Variants in GHRHR observed in about 807,000 individuals in gnomAD.
GHRHR encodes growth hormone-releasing hormone receptor.
A neutral mutation model predicts 58.3 loss-of-function variants in GHRHR; 40 were observed. The ratio of observed to expected loss-of-function variants is 0.69; its 90% CI spans 0.53 to 0.89. GHRHR has a LOEUF of 0.89. Among genes scored for constraint, GHRHR ranks in the 40% least tolerant of loss-of-function variants. The probability of loss-of-function intolerance (pLI) is 0.00; values close to 1 mark genes in which losing one functional copy is unlikely to be tolerated. For synonymous variants in GHRHR, 249 were observed against 216.6 expected, an observed-to-expected ratio of 1.15 and a Z score of -1.31; for missense variants, 551 against 541.3, an observed-to-expected ratio of 1.02 and a Z score of -0.18.
chr7:30,979,314 A>G lies in GHRHR; in HGVS notation c.*70A>G. The G allele has an allele frequency of 1.3e-6, 2 of 1,510,822 alleles. No homozygotes were observed. The highest frequency in any genetic ancestry group is 2.3e-5 in the East Asian group (1 of 43,500). 93.6% of individuals were successfully genotyped at this position (1,510,822 alleles called of 1,614,324 possible). A position where few individuals can be genotyped will look rare whatever the true frequency, so the allele number is the denominator to read the frequency against. ...CTACCACGGGTCTGCCATGCTCTGG[A>G]GGAGCAAGGGGGCCACATCCCCACC... is the stretch of plus-strand genomic sequence containing the variant. On this transcript the variant is annotated 3_prime_UTR_variant, in exon 13 of 13. Coordinates refer to ENST00000326139, the MANE Select transcript of GHRHR (RefSeq NM_000823.4).
chr7:30,969,889 T>A lies in GHRHR; in HGVS notation c.291T>A (p.Thr97=). The A allele has an allele frequency of 6.2e-7, 1 of 1,611,600 alleles. No homozygotes were observed. Among genetic ancestry groups the A allele is most frequent in the Non-Finnish European group, 8.5e-7 (1 of 1,177,672 alleles). The part of the protein sequence containing the change: ...SESGAVKRDC[T]ITGWSEPFPP... ...CAGGGGCTGTGAAACGGGATTGTACTATCACTGGCTGGTCTGAGCCCTTTC... is the reference window on the plus strand; with the variant it reads ...CAGGGGCTGTGAAACGGGATTGTACAATCACTGGCTGGTCTGAGCCCTTTC... Residue 97 remains threonine (T), a synonymous_variant, in exon 4 of 13, where the codon ACT becomes ACA. Transcript: ENST00000326139.
chr7:30,966,780 T>C (rs563463368), intron 1 of GHRHR, among the ~76,000 whole-genome samples: 1 of 152,136 alleles, frequency 6.6e-6, no homozygotes, highest in South Asian at 2.1e-4. Flanking sequence ...GTAGCTGGGA[T>C]TACAGGAGCG....
chr7:30,971,026 G>T, intron 4 of GHRHR, 93 bp from the exon 5 acceptor site: 1 of 718,132 alleles, frequency 1.4e-6, no homozygotes, highest in South Asian at 1.5e-5. Context: ...TGTTGGGGTG[G>T]AATGGCAAAG....
At position 30,979,464 on chromosome 7, in the gene GHRHR, T is replaced by G; in HGVS notation, c.*220T>G. The G allele has an allele frequency of 5.7e-6, 3 of 524,266 alleles. No individual in the cohort carries two copies. Among genetic ancestry groups the G allele is most frequent in the Non-Finnish European group, 7.1e-6 (2 of 281,656 alleles). The allele number at this position is 524,266 out of a possible 1,614,324, so 32.5% of individuals were successfully genotyped here. Reference sequence around the variant, plus strand: ...GTCCCTCTGTGTCTGCTCTCATCCATTCCTCTTACTGGGGCCTGGGGCTCT... The same window carrying G: ...GTCCCTCTGTGTCTGCTCTCATCCAGTCCTCTTACTGGGGCCTGGGGCTCT... On this transcript the variant is annotated 3_prime_UTR_variant, in exon 13 of 13. Transcript: ENST00000326139.
intron 12 of GHRHR, 77 bp downstream of exon 12, chr7:30,977,399 C>G: frequency 7.8e-7 from 1 of 1,274,986 alleles, no homozygotes; most frequent in East Asian, 2.3e-5. Context: ...CTCTCCCACT[C>G]AGGCCCTGTA....
rs746656617 is a variant in GHRHR at position 30,972,809 on chromosome 7, G to A, written c.597+714G>A. Reference sequence around the variant, plus strand: ...TGCAAGTGTGCTGGAAATGAACAGCGAAATCAGGGAGCAAACTAACACATG... The same window carrying A: ...TGCAAGTGTGCTGGAAATGAACAGCAAAATCAGGGAGCAAACTAACACATG... On this transcript the variant is annotated intron_variant, in intron 6 of 12. Coordinates refer to ENST00000326139, the MANE Select transcript of GHRHR (RefSeq NM_000823.4). 1.6e-4 allele frequency among the ~76,000 whole-genome samples: 24 copies of A among 152,326 alleles called. 1 individual carries two copies. Among genetic ancestry groups the A allele is most frequent in the East Asian group, 3.9e-4 (2 of 5,182 alleles).
chr7:30,978,132 C>T lies in GHRHR; in HGVS notation c.1146+810C>T, dbSNP rs941221903. ...GAGAGTTGGCTGCAGATGCCCTGTC[C>T]CCTTCGCTGTGGAGTTTTGCTCCCA... On this transcript the variant is annotated intron_variant, in intron 12 of 12. Coordinates refer to ENST00000326139, the MANE Select transcript of GHRHR (RefSeq NM_000823.4). Among the ~76,000 whole-genome samples the T allele has an allele frequency of 7.9e-5, 12 of 152,302 alleles. No homozygotes were observed. The Middle Eastern group carries it at 0.01, about 130-fold the overall frequency.
Position 30,979,340 on chromosome 7 carries a change from C to A in GHRHR, c.*96C>A. ...GGAGCAAGGGGGCCACATCCCCACC[C>A]CAGCTGTTACCCAGCCCGGGGCAGG... On this transcript the variant is annotated 3_prime_UTR_variant, in exon 13 of 13. Coordinates refer to ENST00000326139, the MANE Select transcript of GHRHR (RefSeq NM_000823.4). 1.6e-6 allele frequency: 2 copies of A among 1,249,578 alleles called. No individual in the cohort carries two copies. Among genetic ancestry groups the A allele is most frequent in the Non-Finnish European group, 2.3e-6 (2 of 876,060 alleles). 77.4% of individuals were successfully genotyped at this position (1,249,578 alleles called of 1,614,324 possible).
chr7:30,978,889 G>A (rs1238983052), intron 12 of GHRHR, among the ~76,000 whole-genome samples: 2 of 152,154 alleles, frequency 1.3e-5, no homozygotes, highest in Non-Finnish European at 2.9e-5. Context: ...ACAAAGGCAG[G>A]GCTAAAAGGC....
At chr7:30,979,013 GTC>G (rs761761802) in intron 12 of GHRHR, 104 bp from the exon 13 acceptor site, 14 of 1,065,716 alleles carry the variant, frequency 1.3e-5, no homozygotes, top group Non-Finnish European at 2.0e-5. Context: ...CCTGCCCCAT[GTC>G]TCTGTTTCTC....
Position 30,968,640 on chromosome 7 carries a change from C to CCCTTCCTTCCTTCCTTCCTTCCTTCCTT in GHRHR, c.58-168_58-167insTTCCTTCCTTCCTTCCTTCCTTCCTTCC, listed in dbSNP as rs760999972. ...TCCCTCCCTCCCTCCCTCCCTCCCTCCCTTCCTTCCTTCCTTCCTTCCTTC... is the reference window on the plus strand; with the variant it reads ...TCCCTCCCTCCCTCCCTCCCTCCCTCCCTTCCTTCCTTCCTTCCTTCCTTCCTTCCTTCCTTCCTTCCTTCCTTCCTTC... On this transcript the variant is annotated intron_variant, in intron 1 of 12. Transcript: ENST00000326139. 2.3e-3 allele frequency among the ~76,000 whole-genome samples: 187 copies of CCCTTCCTTCCTTCCTTCCTTCCTTCCTT among 81,712 alleles called. 1 individual carries two copies. The highest frequency in any genetic ancestry group is 8.5e-3 in the Middle Eastern group (1 of 118). The allele number at this position is 81,712 out of a possible 152,430, so 53.6% of individuals were successfully genotyped here. A position where few individuals can be genotyped will look rare whatever the true frequency, so the allele number is the denominator to read the frequency against.
At chr7:30,975,247 A>T (rs1792555222) in intron 9 of GHRHR, among the ~76,000 whole-genome samples, 1 of 152,142 alleles carries the variant, frequency 6.6e-6, no homozygotes, top group Non-Finnish European at 1.5e-5. Context: ...CTCCATCAGC[A>T]TGCAGGCTGT....
In GHRHR at chr7:30,969,899, T is replaced by C; in HGVS notation, c.301T>C (p.Trp101Arg). ...AVKRDCTITG[W>R]SEPFPPYPVA... ...GAAACGGGATTGTACTATCACTGGCTGGTCTGAGCCCTTTCCACCTTACCC... is the reference window on the plus strand; with the variant it reads ...GAAACGGGATTGTACTATCACTGGCCGGTCTGAGCCCTTTCCACCTTACCC... Residue 101 changes from tryptophan to arginine, a missense_variant, in exon 4 of 13, where the codon TGG (tryptophan) becomes CGG (arginine). Coordinates refer to ENST00000326139, the MANE Select transcript of GHRHR (RefSeq NM_000823.4). The C allele has an allele frequency of 6.2e-7, 1 of 1,610,174 alleles. No homozygotes were observed. The highest frequency in any genetic ancestry group is 8.5e-7 in the Non-Finnish European group (1 of 1,176,366).
At position 30,974,991 on chromosome 7, in the gene GHRHR, C is replaced by A; in HGVS notation, c.833C>A (p.Thr278Asn). Residue 278 changes from threonine (T) to asparagine (N), a missense_variant, in exon 9 of 13, where the codon ACC (threonine) becomes AAC (asparagine). Thr to Asn is a moderately conservative substitution (Grantham distance 65). Coordinates refer to ENST00000326139, the MANE Select transcript of GHRHR (RefSeq NM_000823.4). ...CCCAGGTGCTGGGACCTGGACGACA[C>A]CTCCCCCTACTGGTGGATCATCAAA... Reference protein sequence around the residue: ...EDIACWDLDDTSPYWWIIKGP... With the variant: ...EDIACWDLDDNSPYWWIIKGP... The A allele has an allele frequency of 6.2e-7, 1 of 1,612,882 alleles. No individual in the cohort carries two copies. Among genetic ancestry groups the A allele is most frequent in the Non-Finnish European group, 8.5e-7 (1 of 1,178,884 alleles).
In GHRHR at chr7:30,979,166, TCTGC is replaced by T. The variant is rs1188246617; in HGVS notation, c.1196_1199del (p.Leu399GlnfsTer20). 4 of 1,613,770 alleles carry T rather than the reference TCTGC, an allele frequency of 2.5e-6. No individual in the cohort carries two copies. Among genetic ancestry groups the T allele is most frequent in the Non-Finnish European group, 3.4e-6 (4 of 1,179,648 alleles). On this transcript the variant is annotated frameshift_variant, in exon 13 of 13. Transcript: ENST00000326139. LOFTEE classifies it high-confidence loss of function. The stretch of plus-strand genomic sequence containing the variant: ...AGTGGCATGGCCATGACCCTGAGCT[TCTGC>T]CAGCCTGGAGGACCCGTGCTAAGTG...
intron 1 of GHRHR, among the ~76,000 whole-genome samples, chr7:30,967,930 C>A (rs1430808201): frequency 8.5e-5 from 13 of 152,158 alleles, no homozygotes; most frequent in Admixed American, 7.9e-4. Flanking sequence ...AGCTGCATTC[C>A]TCCTGGAGAC....
intron 3 of GHRHR, 32 bp from the exon 4 acceptor site, chr7:30,969,835 G>T: frequency 6.2e-7 from 1 of 1,611,864 alleles, no homozygotes; most frequent in Non-Finnish European, 8.5e-7. Flanking sequence ...GAGGGAAGGA[G>T]TTGTGGCTAG....
Position 30,975,757 on chromosome 7 carries a change from T to C in GHRHR, c.883-20T>C, listed in dbSNP as rs1320353684. ...ACCCCCTGACCCTTGTCTTCCACCT[T>C]CCTATGCCTCTATTTCCAGGTGAAC... On this transcript the variant is annotated intron_variant, in intron 9 of 12. Coordinates refer to ENST00000326139, the MANE Select transcript of GHRHR (RefSeq NM_000823.4). The C allele has an allele frequency of 6.7e-7, 1 of 1,492,430 alleles. No homozygotes were observed. Among genetic ancestry groups the C allele is most frequent in the Admixed American group, 1.7e-5 (1 of 59,886 alleles). The allele number at this position is 1,492,430 out of a possible 1,614,324, so 92.4% of individuals were successfully genotyped here.
At chr7:30,970,040 G>A (rs1363493042) in intron 4 of GHRHR, 76 bp downstream of exon 4, 12 of 786,274 alleles carry the variant, frequency 1.5e-5, no homozygotes, top group Admixed American at 6.8e-5. Context: ...TGTAGGGGCC[G>A]CCATTCTCTA....
Sources: allele counts gnomAD v4.1 joint callset (sites outside exome capture counted in the v4.1 genomes callset), GRCh38; gene constraint gnomAD v4.1.1; transcripts MANE v1.5; gene names NCBI Gene and HGNC (gene_info 2026-07-23, HGNC 2026-07-21).